SYT16: variants seen among roughly 807,000 people sequenced by gnomAD.
SYT16 encodes the protein synaptotagmin 16.
Under a neutral mutation model 61.4 loss-of-function variants are expected in SYT16, and 42 were observed. That is an observed-to-expected ratio of 0.68 (90% confidence interval 0.53 to 0.89). SYT16 has a LOEUF of 0.89. Among genes scored for constraint, SYT16 ranks in the 40% least tolerant of loss-of-function variants. SYT16 has a pLI of 0.00. For synonymous variants in SYT16, 314 were observed against 302.3 expected, an observed-to-expected ratio of 1.04 and a Z score of -0.40; for missense variants, 804 against 807.3, an observed-to-expected ratio of 1.00 and a Z score of 0.05.
intron 2 of SYT16, among the ~76,000 whole-genome samples, chr14:61,991,293 C>T (rs1442002203): frequency 2.0e-5 from 3 of 151,216 alleles, no homozygotes; most frequent in Admixed American, 2.0e-4. Flanking sequence ...ATTTTTCCTT[C>T]TAATCCAGGG....
At chr14:61,828,295 A>C (rs534303397) in intron 1 of SYT16, among the ~76,000 whole-genome samples, 21 of 152,352 alleles carry the variant, frequency 1.4e-4, no homozygotes, top group Non-Finnish European at 2.4e-4. Flanking sequence ...TTCAAAAATC[A>C]AGCATGTTTT....
intron 1 of SYT16, among the ~76,000 whole-genome samples, chr14:61,932,381 G>A (rs900939688): frequency 3.9e-5 from 6 of 152,180 alleles, no homozygotes; most frequent in African/African-American, 1.4e-4. Flanking sequence ...AAGAAAAGAG[G>A]TTTAATTTCC....
chr14:61,908,025 A>G (rs374337996), intron 1 of SYT16, among the ~76,000 whole-genome samples: 2 of 152,174 alleles, frequency 1.3e-5, no homozygotes, highest in African/African-American at 4.8e-5. Flanking sequence ...AACTTTGAGA[A>G]CCTGTTGATC....
intron 2 of SYT16, among the ~76,000 whole-genome samples, chr14:61,990,242 G>A (rs986296406): frequency 6.6e-6 from 1 of 152,064 alleles, no homozygotes; most frequent in African/African-American, 2.4e-5. Flanking sequence ...TCTCCAAAAG[G>A]CATGATAATT....
chr14:61,851,982 C>T (rs1243963024), intron 1 of SYT16, among the ~76,000 whole-genome samples: 1 of 152,146 alleles, frequency 6.6e-6, no homozygotes, highest in Non-Finnish European at 1.5e-5. Flanking sequence ...TTGCCAATGC[C>T]TATATCCTGA....
intron 1 of SYT16, among the ~76,000 whole-genome samples, chr14:61,825,709 T>C (rs1186620094): frequency 1.3e-5 from 2 of 152,010 alleles, no homozygotes; most frequent in South Asian, 2.1e-4. Context: ...ACAACAACAA[T>C]GAACTAAGTT....
At position 61,831,726 on chromosome 14, in the gene SYT16, C is replaced by CT. The variant is rs372648820; in HGVS notation, c.-325+18927dup. ...AGATTTTTCTTTCACTTCAGTAGTT[C>CT]TTTTTTTTTTTCTTTCAGGTAAACT... On this transcript the variant is annotated intron_variant, in intron 1 of 7. Transcript: ENST00000683842. The CT allele has an allele frequency of 2.7e-3, 421 of 158,190 alleles. 1 individual carries two copies. The highest frequency in any genetic ancestry group is 5.7e-3 in the Middle Eastern group (2 of 348). 9.8% of individuals were successfully genotyped at this position (158,190 alleles called of 1,614,324 possible).
At chr14:61,900,315 G>A (rs1451928128) in intron 1 of SYT16, among the ~76,000 whole-genome samples, 2 of 152,012 alleles carry the variant, frequency 1.3e-5, no homozygotes, top group African/African-American at 4.8e-5. Context: ...CTTCCACCAC[G>A]CCCAGCTAAT....
intron 1 of SYT16, among the ~76,000 whole-genome samples, chr14:61,841,195 C>T (rs925209975): frequency 2.0e-5 from 3 of 152,150 alleles, no homozygotes; most frequent in Non-Finnish European, 4.4e-5. Flanking sequence ...GACCTTCCAG[C>T]ACCATTGAAA....
chr14:62,088,985 G>GA (rs2056979546), intron 7 of SYT16, among the ~76,000 whole-genome samples: 1 of 151,064 alleles, frequency 6.6e-6, no homozygotes, highest in Admixed American at 6.6e-5. Context: ...GAGTGATTGA[G>GA]ATGTCACTCT....
At chr14:62,062,726 G>T (rs1025066111) in intron 3 of SYT16, among the ~76,000 whole-genome samples, 1 of 151,848 alleles carries the variant, frequency 6.6e-6, no homozygotes, top group African/African-American at 2.4e-5. Flanking sequence ...AACCAACACA[G>T]GCAGCCATTT....
At chr14:61,954,374 G>A (rs1379359663) in intron 1 of SYT16, among the ~76,000 whole-genome samples, 1 of 145,742 alleles carries the variant, frequency 6.9e-6, no homozygotes, top group East Asian at 2.0e-4. Flanking sequence ...TAGTGACTGT[G>A]TGACATGCTG....
chr14:62,093,068 A>C (rs927201004), intron 7 of SYT16, among the ~76,000 whole-genome samples: 1 of 152,088 alleles, frequency 6.6e-6, no homozygotes, highest in South Asian at 2.1e-4. Flanking sequence ...ATGTGGGAGC[A>C]GGGAGTTTAT....
chr14:61,839,591 A>G (rs2046239605), intron 1 of SYT16, among the ~76,000 whole-genome samples: 1 of 152,114 alleles, frequency 6.6e-6, no homozygotes, highest in Non-Finnish European at 1.5e-5. Context: ...GGCAGTGAGA[A>G]CTGCACCAGT....
chr14:61,826,231 T>G (rs908816579), intron 1 of SYT16, among the ~76,000 whole-genome samples: 9 of 151,982 alleles, frequency 5.9e-5, no homozygotes, highest in Non-Finnish European at 5.9e-5. Context: ...TCACTCACGC[T>G]GGGACCATGT....
intron 3 of SYT16, among the ~76,000 whole-genome samples, chr14:62,023,926 T>C (rs746485354): frequency 2.6e-5 from 4 of 152,148 alleles, no homozygotes; most frequent in Non-Finnish European, 5.9e-5. Flanking sequence ...CTAAAGTTTA[T>C]ATGGGAAAAT....
chr14:61,820,564 C>A (rs937203372), intron 1 of SYT16, among the ~76,000 whole-genome samples: 1 of 140,980 alleles, frequency 7.1e-6, no homozygotes, highest in Non-Finnish European at 1.5e-5. Flanking sequence ...TCACTGCAAC[C>A]TCCGCCTCCT....
At chr14:62,016,161 A>C (rs7161726) in intron 3 of SYT16, among the ~76,000 whole-genome samples, 69,351 of 151,950 alleles carry the variant, frequency 0.46, 16,310 homozygotes, top group East Asian at 0.71. Flanking sequence ...TCAAGGGAGC[A>C]GTAACTCTTC....
intron 2 of SYT16, among the ~76,000 whole-genome samples, chr14:61,972,337 G>T (rs1006365663): frequency 2.0e-5 from 3 of 152,136 alleles, no homozygotes; most frequent in Admixed American, 1.3e-4. Context: ...TGTCTTGTTT[G>T]ACATTTTATC....
Sources: allele counts gnomAD v4.1 joint callset (sites outside exome capture counted in the v4.1 genomes callset), GRCh38; gene constraint gnomAD v4.1.1; transcripts MANE v1.5; gene names NCBI Gene and HGNC (gene_info 2026-07-23, HGNC 2026-07-21).